The following SLC26A7 variants were observed in gnomAD, a reference collection of about 807,000 sequenced individuals.
The protein encoded by SLC26A7 is solute carrier family 26 member 7.
Under a neutral mutation model 82.5 loss-of-function variants are expected in SLC26A7, and 59 were observed. The ratio of observed to expected loss-of-function variants is 0.72; its 90% confidence interval spans 0.58 to 0.89. The LOEUF (loss-of-function observed/expected upper bound fraction) is 0.89, where lower values mean the gene tolerates loss of function less well. Among genes scored for constraint, SLC26A7 ranks in the 40% least tolerant of loss-of-function variants. SLC26A7 has a pLI of 0.00. For synonymous variants in SLC26A7, 271 were observed against 274.3 expected, an observed-to-expected ratio of 0.99 and a Z score of 0.12; for missense variants, 820 against 793.0, an observed-to-expected ratio of 1.03 and a Z score of -0.41.
chr8:91,268,955 T>C (rs1261905689), intron 2 of SLC26A7, among the ~76,000 whole-genome samples: 1 of 151,200 alleles, frequency 6.6e-6, no homozygotes, highest in Non-Finnish European at 1.5e-5. Flanking sequence ...AAAAAAAAAC[T>C]AACAAAAACA....
intron 4 of SLC26A7, among the ~76,000 whole-genome samples, chr8:91,316,560 G>A (rs866317949): frequency 2.3e-5 from 3 of 129,980 alleles, no homozygotes; most frequent in African/African-American, 2.9e-5. Flanking sequence ...CTCCTGCCTC[G>A]ACCTCCCAAA....
intron 1 of SLC26A7, among the ~76,000 whole-genome samples, chr8:91,211,721 G>C (rs1422950782): frequency 1.3e-5 from 2 of 150,428 alleles, no homozygotes; most frequent in South Asian, 2.1e-4. Flanking sequence ...CTGACCTTTA[G>C]AGCAAATACT....
intron 2 of SLC26A7, among the ~76,000 whole-genome samples, chr8:91,239,302 G>A (rs1419179904): frequency 6.7e-6 from 1 of 149,470 alleles, no homozygotes; most frequent in Non-Finnish European, 1.5e-5. Context: ...CCCGGGAGGC[G>A]GAGCTCACAG....
In SLC26A7 at chr8:91,297,260, C is replaced by T. The variant is rs115924229; in HGVS notation, c.477+1557C>T. ...AAAATCTAAGAGTATACATAATTAG[C>T]GGTAAGACCTGGCAACCTTCTGCTT... is the stretch of plus-strand genomic sequence containing the variant. On this transcript the variant is annotated intron_variant, in intron 4 of 18. Coordinates refer to ENST00000276609, the MANE Select transcript of SLC26A7 (RefSeq NM_052832.4). Among the ~76,000 whole-genome samples, 384 of 151,688 alleles carry T rather than the reference C, an allele frequency of 2.5e-3. 3 individuals are homozygous for T. Among genetic ancestry groups the T allele is most frequent in the African/African-American group, 8.8e-3 (364 of 41,358 alleles).
intron 14 of SLC26A7, among the ~76,000 whole-genome samples, chr8:91,369,165 A>T (rs1480710294): frequency 6.6e-6 from 1 of 152,252 alleles, no homozygotes; most frequent in Non-Finnish European, 1.5e-5. Flanking sequence ...CATATAAAAA[A>T]TAAAATTTAT....
At chr8:91,238,310 A>G (rs564974600) in intron 2 of SLC26A7, among the ~76,000 whole-genome samples, 1 of 151,966 alleles carries the variant, frequency 6.6e-6, no homozygotes, top group African/African-American at 2.4e-5. Flanking sequence ...ATTTTTCTTC[A>G]TTATGAATAA....
intron 2 of SLC26A7, among the ~76,000 whole-genome samples, chr8:91,240,040 A>G (rs1224925054): frequency 1.3e-5 from 2 of 152,194 alleles, no homozygotes; most frequent in East Asian, 3.8e-4. Flanking sequence ...CTGTGTGCCA[A>G]GCATTGTCCT....
At chr8:91,379,912 T>G (rs1814622423) in intron 15 of SLC26A7, among the ~76,000 whole-genome samples, 1 of 152,028 alleles carries the variant, frequency 6.6e-6, no homozygotes, top group African/African-American at 2.4e-5. Flanking sequence ...CAGAAAGGAC[T>G]GCTTTCTACT....
At chr8:91,279,125 G>GTATATATACA (rs1811488161) in intron 2 of SLC26A7, among the ~76,000 whole-genome samples, 5 of 111,262 alleles carry the variant, frequency 4.5e-5, no homozygotes, top group African/African-American at 1.8e-4. Context: ...GTGTGTGTGT[G>GTATATATACA]TATATATATA....
intron 7 of SLC26A7, among the ~76,000 whole-genome samples, chr8:91,339,448 T>A (rs1413808846): frequency 6.6e-6 from 1 of 152,114 alleles, no homozygotes; most frequent in Admixed American, 6.6e-5. Context: ...TTAAATAAAT[T>A]ACCTAACCTT....
chr8:91,358,900 G>A (rs1009815378), intron 11 of SLC26A7, among the ~76,000 whole-genome samples: 2 of 152,072 alleles, frequency 1.3e-5, no homozygotes, highest in Admixed American at 6.6e-5. Flanking sequence ...TCGGACACAG[G>A]AAGCGGAACA....
At position 91,220,117 on chromosome 8, in the gene SLC26A7, A is replaced by G. The variant is rs990889971; in HGVS notation, c.-34+1112A>G. On this transcript the variant is annotated intron_variant, in intron 2 of 5. Coordinates refer to the SLC26A7 transcript ENST00000522862. Reference sequence around the variant, plus strand: ...GAAATCAATGGAGCACAGCAAAGAGATCCTCAAACCAGAGAGCAAAGTTCA... The same window carrying G: ...GAAATCAATGGAGCACAGCAAAGAGGTCCTCAAACCAGAGAGCAAAGTTCA... 5.3e-5 allele frequency among the ~76,000 whole-genome samples: 8 copies of G among 152,100 alleles called. No individual in the cohort carries two copies. The East Asian group carries it at 1.3e-3, about 26-fold the overall frequency.
intron 16 of SLC26A7, among the ~76,000 whole-genome samples, chr8:91,391,054 A>G (rs1179933174): frequency 1.3e-5 from 2 of 152,154 alleles, no homozygotes; most frequent in Non-Finnish European, 2.9e-5. Flanking sequence ...AAAAGGTCTC[A>G]TGTTGTGGAC....
At chr8:91,216,977 G>A (rs1176063176) in intron 1 of SLC26A7, among the ~76,000 whole-genome samples, 1 of 152,030 alleles carries the variant, frequency 6.6e-6, no homozygotes, top group African/African-American at 2.4e-5. Flanking sequence ...ACACATTCTA[G>A]TCAACCTTCA....
At chr8:91,357,535 G>A (rs1170931999) in intron 11 of SLC26A7, among the ~76,000 whole-genome samples, 1 of 152,104 alleles carries the variant, frequency 6.6e-6, no homozygotes, top group Non-Finnish European at 1.5e-5. Flanking sequence ...AACAAATGGT[G>A]CTGGGAAAAC....
At chr8:91,296,035 G>A (rs989595481) in intron 4 of SLC26A7, among the ~76,000 whole-genome samples, 1 of 152,188 alleles carries the variant, frequency 6.6e-6, no homozygotes, top group Non-Finnish European at 1.5e-5. Context: ...GGTCGTCACT[G>A]TAAGGGAATG....
At chr8:91,326,942 C>T (rs1812947773) in intron 5 of SLC26A7, among the ~76,000 whole-genome samples, 1 of 152,140 alleles carries the variant, frequency 6.6e-6, no homozygotes, top group Non-Finnish European at 1.5e-5. Flanking sequence ...GCTGTTTGTT[C>T]TTCTCTCCTG....
At chr8:91,362,922 T>C (rs1040794437) in intron 12 of SLC26A7, among the ~76,000 whole-genome samples, 3 of 152,072 alleles carry the variant, frequency 2.0e-5, no homozygotes, top group Non-Finnish European at 4.4e-5. Context: ...GTCATTTTAC[T>C]ATAAATTTAT....
intron 4 of SLC26A7, among the ~76,000 whole-genome samples, chr8:91,302,134 T>C (rs985407671): frequency 3.9e-5 from 6 of 152,142 alleles, no homozygotes; most frequent in Non-Finnish European, 7.4e-5. Flanking sequence ...AATCATTTTT[T>C]TGTGAGTGTT....
Sources: allele counts gnomAD v4.1 joint callset (sites outside exome capture counted in the v4.1 genomes callset), GRCh38; gene constraint gnomAD v4.1.1; transcripts MANE v1.5; gene names NCBI Gene and HGNC (gene_info 2026-07-23, HGNC 2026-07-21).